Variants in RNF17 observed in about 807,000 individuals in gnomAD.
RNF17 encodes spermatogenesis associated 23.
Under a neutral mutation model 200.5 loss-of-function variants are expected in RNF17, and 31 were observed. The ratio of observed to expected loss-of-function variants is 0.15; its 90% CI spans 0.12 to 0.21. The LOEUF is 0.21. Among genes scored for constraint, RNF17 ranks in the 10% least tolerant of loss-of-function variants. RNF17 has a pLI of 1.00. For missense variants in RNF17, 1,628 were observed against 1,905.1 expected, an observed-to-expected ratio of 0.85 and a Z score of 2.71; for synonymous variants, 606 against 637.8, an observed-to-expected ratio of 0.95 and a Z score of 0.75.
In RNF17 at chr13:24,772,520, T is replaced by G. The variant is rs578052636; in HGVS notation, c.226-2293T>G. 9.3e-4 allele frequency among the ~76,000 whole-genome samples: 142 copies of G among 152,030 alleles called. 1 individual carries two copies. The highest frequency in any genetic ancestry group is 7.2e-4 in the Admixed American group (11 of 15,268). On this transcript the variant is annotated intron_variant, in intron 2 of 35. Transcript: ENST00000255324. ...TCTTTACTTACAGCTTATAGTTTTC[T>G]TGTTAAATTTTCCTAAATAACTTCA...
intron 34 of RNF17, among the ~76,000 whole-genome samples, chr13:24,877,552 G>A (rs1894988830): frequency 6.6e-6 from 1 of 152,170 alleles, no homozygotes; most frequent in Non-Finnish European, 1.5e-5. Context: ...TAACTTTGTG[G>A]GTGGGGGAAG....
intron 10 of RNF17, among the ~76,000 whole-genome samples, chr13:24,793,996 T>C (rs1472255864): frequency 6.6e-6 from 1 of 152,264 alleles, no homozygotes; most frequent in Non-Finnish European, 1.5e-5. Context: ...TTATCATTGA[T>C]GTCTCAATTA....
At chr13:24,883,399 T>TA (rs141987132), downstream of RNF17, 3,638 of 1,392,008 alleles carry the variant, frequency 2.6e-3, 1 homozygote, top group Middle Eastern at 5.0e-3. Context: ...TATGATTTCT[T>TA]AAAAAAAAAA....
At chr13:24,772,671 C>T (rs1297633661) in intron 2 of RNF17, among the ~76,000 whole-genome samples, 1 of 151,196 alleles carries the variant, frequency 6.6e-6, no homozygotes, top group Non-Finnish European at 1.5e-5. Context: ...AGTGCAGTGG[C>T]GCCATCTCAG....
intron 22 of RNF17, among the ~76,000 whole-genome samples, chr13:24,849,378 C>A (rs1400074740): frequency 6.6e-6 from 1 of 152,212 alleles, no homozygotes; most frequent in African/African-American, 2.4e-5. Context: ...ACATGCAGCC[C>A]AGGATGGCTT....
rs201698876 is a variant in RNF17 at position 24,774,839 on chromosome 13, A to G, written c.252A>G (p.Gln84=). ...TTGCTACAGCTGTAAATACTAGACAACGCTACTACCCAATGGCTGGATATA... is the reference window on the plus strand; with the variant it reads ...TTGCTACAGCTGTAAATACTAGACAGCGCTACTACCCAATGGCTGGATATA... ...CEVATAVNTR[Q]RYYPMAGYIK... is the part of the protein sequence containing the mutation. The change falls in exon 3 of 36, where the codon CAA becomes CAG. Residue 84 remains glutamine, a synonymous_variant. Transcript: ENST00000255324. 26 of 1,612,388 alleles carry G rather than the reference A, an allele frequency of 1.6e-5. No individual in the cohort carries two copies. In the East Asian group the frequency reaches 2.9e-4, roughly 18 times the overall value.
the RNF17 span, among the ~76,000 whole-genome samples, chr13:24,752,731 T>G: frequency 6.6e-6 from 1 of 152,240 alleles, no homozygotes; most frequent in Admixed American, 6.5e-5. Flanking sequence ...TAATGCTCGC[T>G]CTTGCTGTGC....
chr13:24,848,504 A>C (rs1478867096), intron 22 of RNF17, among the ~76,000 whole-genome samples: 1 of 152,134 alleles, frequency 6.6e-6, no homozygotes, highest in East Asian at 1.9e-4. Flanking sequence ...TCTACTAAAA[A>C]TACAAAAATT....
At chr13:24,769,020 T>G (rs1234453267) in intron 2 of RNF17, among the ~76,000 whole-genome samples, 2 of 135,740 alleles carry the variant, frequency 1.5e-5, no homozygotes, top group African/African-American at 5.6e-5. Flanking sequence ...GACATGGAGC[T>G]CCTTAGACGT....
At chr13:24,765,993 C>T (rs1266365134) in intron 1 of RNF17, among the ~76,000 whole-genome samples, 2 of 152,126 alleles carry the variant, frequency 1.3e-5, no homozygotes, top group Non-Finnish European at 2.9e-5. Context: ...TTTGGGAGGC[C>T]GAGGTGGGCG....
intron 1 of RNF17, among the ~76,000 whole-genome samples, chr13:24,766,826 A>T (rs1879764711): frequency 6.6e-6 from 1 of 152,248 alleles, no homozygotes; most frequent in African/African-American, 2.4e-5. Flanking sequence ...TATTCTAGGT[A>T]CAAAATAGCC....
intron 15 of RNF17, among the ~76,000 whole-genome samples, chr13:24,808,970 C>T (rs1247951508): frequency 1.3e-5 from 2 of 151,314 alleles, no homozygotes; most frequent in Non-Finnish European, 3.0e-5. Flanking sequence ...TATATTGAAC[C>T]AGCCTTGCAT....
chr13:24,757,203 C>T, the RNF17 span, among the ~76,000 whole-genome samples: 1 of 123,824 alleles, frequency 8.1e-6, no homozygotes, highest in Non-Finnish European at 1.7e-5. Flanking sequence ...AGATACAGAA[C>T]AGTCCTTTCA....
At chr13:24,862,119 T>C (rs9507423) in intron 27 of RNF17, among the ~76,000 whole-genome samples, 65,905 of 151,924 alleles carry the variant, frequency 0.43, 14,585 homozygotes, top group South Asian at 0.51. Flanking sequence ...TCCCACCAGG[T>C]TCCTCTCTCG....
At chr13:24,823,159 C>T (rs1191924975) in intron 15 of RNF17, among the ~76,000 whole-genome samples, 1 of 152,078 alleles carries the variant, frequency 6.6e-6, no homozygotes, top group Non-Finnish European at 1.5e-5. Flanking sequence ...CTGCAACCTC[C>T]ACCTCCCAGG....
the RNF17 span, among the ~76,000 whole-genome samples, chr13:24,757,288 C>T: frequency 6.6e-6 from 1 of 151,708 alleles, no homozygotes; most frequent in Non-Finnish European, 1.5e-5. Flanking sequence ...GATAAGCATA[C>T]AATCATATTC....
chr13:24,847,295 A>G (rs1166327022), intron 22 of RNF17, among the ~76,000 whole-genome samples: 1 of 152,064 alleles, frequency 6.6e-6, no homozygotes, highest in Non-Finnish European at 1.5e-5. Flanking sequence ...ATATAAATCT[A>G]ACATTGGTTT....
intron 2 of RNF17, among the ~76,000 whole-genome samples, chr13:24,767,848 G>A (rs1281896823): frequency 3.3e-5 from 5 of 151,794 alleles, no homozygotes; most frequent in African/African-American, 1.2e-4. Flanking sequence ...TTTTATAATT[G>A]TGTAAAGTGA....
intron 2 of RNF17, 38 bp from the exon 3 acceptor site, chr13:24,774,775 G>A: frequency 3.8e-6 from 5 of 1,320,818 alleles, no homozygotes; most frequent in Non-Finnish European, 5.4e-6. Context: ...ATAATTTATT[G>A]GGTGACTTTG....
Sources: gnomAD v4.1 joint callset for allele counts (sites outside exome capture counted in the v4.1 genomes callset) on GRCh38, gnomAD v4.1.1 for gene constraint, MANE v1.5 for transcripts, NCBI Gene and HGNC (gene_info 2026-07-23, HGNC 2026-07-21) for gene names.